The following MYSM1 variants were observed in gnomAD, a reference collection of about 807,000 sequenced individuals.
The protein encoded by MYSM1 is deubiquitinase MYSM1.
A neutral mutation model predicts 116.0 loss-of-function variants in MYSM1; 51 were observed. The ratio of observed to expected loss-of-function variants is 0.44; its 90% CI spans 0.35 to 0.56. The LOEUF is 0.56. Among genes scored for constraint, MYSM1 ranks in the 20% least tolerant of loss-of-function variants. MYSM1 has a pLI of 0.00. For synonymous variants in MYSM1, 313 were observed against 315.2 expected, an observed-to-expected ratio of 0.99 and a Z score of 0.07; for missense variants, 900 against 974.9, an observed-to-expected ratio of 0.92 and a Z score of 1.02.
intron 6 of MYSM1, among the ~76,000 whole-genome samples, chr1:58,687,357 CTAAGA>C (rs1462276855): frequency 6.6e-6 from 1 of 152,078 alleles, no homozygotes. Flanking sequence ...GAACTGAAGG[CTAAGA>C]TGAGAGTGAG....
intron 7 of MYSM1, among the ~76,000 whole-genome samples, chr1:58,683,159 T>C (rs1350720359): frequency 1.3e-5 from 2 of 152,228 alleles, no homozygotes; most frequent in East Asian, 1.9e-4. Flanking sequence ...TCATGACCTA[T>C]ATTTACTACT....
chr1:58,682,335 G>C lies in MYSM1; in HGVS notation c.709C>G (p.Pro237Ala). Residue 237 changes from proline to alanine, a missense_variant, in exon 8 of 20, where the codon CCC becomes GCC. Coordinates refer to ENST00000472487, the MANE Select transcript of MYSM1 (RefSeq NM_001085487.3). ...DEVDELSSQT[P>A]QKNSSSDLLL... is the part of the protein sequence containing the mutation. ...AGATCACTGCTAGAATTCTTCTGGGGTGTTTGAGAAGACAACTCGTCCACC... is the reference window on the plus strand; with the variant it reads ...AGATCACTGCTAGAATTCTTCTGGGCTGTTTGAGAAGACAACTCGTCCACC... 6.2e-7 allele frequency: 1 copy of C among 1,614,052 alleles called. No individual in the cohort carries two copies. Among genetic ancestry groups the C allele is most frequent in the Non-Finnish European group, 8.5e-7 (1 of 1,179,972 alleles).
chr1:58,665,574 G>C lies in MYSM1; in HGVS notation c.2089C>G (p.Arg697Gly). ...FIGMIVSPYN[R>G]NNPLPYSQIT... ...TGAGAATATGGTAAGGGATTATTTC[G>C]ATTATAGGGACTAACAATCATCCCA... Residue 697 changes from arginine to glycine, a missense_variant, in exon 17 of 20, where the codon CGA becomes GGA. This residue lies in a region of MYSM1 where 186 missense variants were observed against 196.2 expected (regional missense o/e 0.95). Transcript: ENST00000472487. The C allele has an allele frequency of 6.3e-7, 1 of 1,591,102 alleles. No individual in the cohort carries two copies. The highest frequency in any genetic ancestry group is 8.6e-7 in the Non-Finnish European group (1 of 1,159,368).
At position 58,665,507 on chromosome 1, in the gene MYSM1, C is replaced by A. The variant is rs1244009768; in HGVS notation, c.2156G>T (p.Gly719Val). The A allele has an allele frequency of 6.3e-7, 1 of 1,591,070 alleles. No individual in the cohort carries two copies. The highest frequency in any genetic ancestry group is 1.4e-5 in the African/African-American group (1 of 73,682). ...TTTTGTTGAAAACTTACGATAAGAG[C>A]CATCTGGGCTAATTTCCTCACTTAT... ...LVISEEISPD[G>V]SYRLPYKFEV... The change falls in exon 17 of 20, where the codon GGC (glycine) becomes GTC (valine). Residue 719 changes from glycine (G) to valine (V), a missense_variant. Gly to Val is a moderately radical substitution (Grantham distance 109). Transcript: ENST00000472487.
At chr1:58,679,320 T>C (rs1163774864) in intron 8 of MYSM1, among the ~76,000 whole-genome samples, 1 of 152,234 alleles carries the variant, frequency 6.6e-6, no homozygotes, top group Non-Finnish European at 1.5e-5. Context: ...ACCAGTTTCA[T>C]GAACCAAGGC....
At chr1:58,691,607 C>A (rs1023517137) in intron 3 of MYSM1, among the ~76,000 whole-genome samples, 1 of 152,082 alleles carries the variant, frequency 6.6e-6, no homozygotes, top group Admixed American at 6.6e-5. Context: ...GTGGCTCACA[C>A]CTGTAATCCC....
chr1:58,659,044 A>C lies in MYSM1; in HGVS notation c.*953T>G, dbSNP rs1468989637. On this transcript the variant is annotated 3_prime_UTR_variant, in exon 20 of 20. Transcript: ENST00000472487. ...ATATGTGGCCTGAAAAGCCAAAATT[A>C]TTTACAAACTGGCCCTTTACATTAA... is the stretch of plus-strand genomic sequence containing the variant. 6.6e-6 allele frequency: 1 copy of C among 151,948 alleles called. No individual in the cohort carries two copies. Among genetic ancestry groups the C allele is most frequent in the Non-Finnish European group, 1.5e-5 (1 of 67,986 alleles). 9.4% of individuals were successfully genotyped at this position (151,948 alleles called of 1,614,324 possible).
rs186508552 is a variant in MYSM1, at chr1:58,671,090, T to C, written c.1661+780A>G. Among the ~76,000 whole-genome samples the C allele has an allele frequency of 3.0e-4, 46 of 152,158 alleles. No homozygotes were observed. In the East Asian group the frequency reaches 6.9e-3, roughly 23 times the overall value. On this transcript the variant is annotated intron_variant, in intron 12 of 19. Coordinates refer to ENST00000472487, the MANE Select transcript of MYSM1 (RefSeq NM_001085487.3). The stretch of plus-strand genomic sequence containing the variant: ...CTGTAATGATTAGGGGTATGAACTC[T>C]TAAGCTTAACACTTGGGTTTAAAAT...
At chr1:58,672,927 G>A (rs904024014) in intron 11 of MYSM1, among the ~76,000 whole-genome samples, 1 of 152,166 alleles carries the variant, frequency 6.6e-6, no homozygotes, top group African/African-American at 2.4e-5. Context: ...GAAGTTGAGG[G>A]CAGGGAATGC....
At chr1:58,669,366 C>T (rs1347220729) in intron 12 of MYSM1, among the ~76,000 whole-genome samples, 1 of 152,116 alleles carries the variant, frequency 6.6e-6, no homozygotes, top group Non-Finnish European at 1.5e-5. Context: ...AATTAACTGT[C>T]ATGAGACCCA....
rs146781882 is a variant in MYSM1 at position 58,689,750 on chromosome 1, C to T, written c.320+476G>A. ...GGGCAATTGCAAATACGTAAACCAC[C>T]CTTTAAAGGACCATAAACTTCCAAA... On this transcript the variant is annotated intron_variant, in intron 5 of 19. Coordinates refer to ENST00000472487, the MANE Select transcript of MYSM1 (RefSeq NM_001085487.3). 84 of 155,100 alleles carry T rather than the reference C, an allele frequency of 5.4e-4. 2 individuals are homozygous for T. Among genetic ancestry groups the T allele is most frequent in the Middle Eastern group, 3.3e-3 (1 of 302 alleles). 9.6% of individuals were successfully genotyped at this position (155,100 alleles called of 1,614,324 possible).
chr1:58,676,245 G>A (rs1161119077), intron 9 of MYSM1, among the ~76,000 whole-genome samples: 38 of 150,938 alleles, frequency 2.5e-4, no homozygotes, highest in Admixed American at 2.1e-3. Context: ...GGTGAAACCC[G>A]TCTCTACTAA....
In MYSM1 at chr1:58,661,486, C is replaced by T; in HGVS notation, c.2190G>A (p.Gln730=). ...CCCACTGAGGTTCTTCTAACATCTG[C>T]TGTACTTCAAATTTGTAAGGTAAGC... ...SYRLPYKFEV[Q]QMLEEPQWGL... Residue 730 remains glutamine, a synonymous_variant, in exon 18 of 20, where the codon CAG becomes CAA. Transcript: ENST00000472487. 1 of 1,605,048 alleles carries T rather than the reference C, an allele frequency of 6.2e-7. No individual in the cohort carries two copies. Among genetic ancestry groups the T allele is most frequent in the Non-Finnish European group, 8.5e-7 (1 of 1,172,658 alleles).
chr1:58,669,836 CAAAAAAAAAAAA>C (rs58828009), intron 12 of MYSM1, among the ~76,000 whole-genome samples: 2 of 14,600 alleles, frequency 1.4e-4, no homozygotes, highest in South Asian at 1.8e-3. Flanking sequence ...ACCCTGTCTC[CAAAAAAAAAAAA>C]AAAAAAAAAA....
In MYSM1 at chr1:58,685,245, A is replaced by C; in HGVS notation, c.406T>G (p.Phe136Val). The C allele has an allele frequency of 1.2e-6, 2 of 1,607,702 alleles. No homozygotes were observed. Among genetic ancestry groups the C allele is most frequent in the Non-Finnish European group, 1.7e-6 (2 of 1,177,890 alleles). Reference protein sequence around the residue: ...KELFEQGLAKFGRRWTKISKL... With the variant: ...KELFEQGLAKVGRRWTKISKL... Reference sequence around the variant, plus strand: ...GAAATTTTGGTCCATCTTCGGCCAAATTTAGCCTGTATTATTAAAATGGGA... The same window carrying C: ...GAAATTTTGGTCCATCTTCGGCCAACTTTAGCCTGTATTATTAAAATGGGA... Residue 136 changes from phenylalanine (F) to valine (V), a missense_variant, in exon 7 of 20, where the codon TTT (phenylalanine) becomes GTT (valine). Phe to Val is a conservative substitution (Grantham distance 50). Transcript: ENST00000472487.
intron 3 of MYSM1, among the ~76,000 whole-genome samples, chr1:58,691,279 CA>C (rs1157148256): frequency 2.0e-3 from 233 of 116,886 alleles, no homozygotes; most frequent in East Asian, 7.5e-3. Context: ...GACTCCGTCT[CA>C]AAAAAAAAAA....
chr1:58,671,990 C>G lies in MYSM1; in HGVS notation c.1573-32G>C, dbSNP rs769051543. The G allele has an allele frequency of 9.8e-6, 15 of 1,534,304 alleles. 1 individual carries two copies. The South Asian group carries it at 1.7e-4, about 17-fold the overall frequency. Reference sequence around the variant, plus strand: ...CAAAATGCCAATTGATTAAGGAGTCCATCATCTACTAAGAGGCAGAATAAA... The same window carrying G: ...CAAAATGCCAATTGATTAAGGAGTCGATCATCTACTAAGAGGCAGAATAAA... On this transcript the variant is annotated intron_variant, in intron 11 of 19. Transcript: ENST00000472487.
Position 58,685,341 on chromosome 1 carries a change from T to TAA in MYSM1, c.400-92_400-91dup, listed in dbSNP as rs1331965343. The stretch of plus-strand genomic sequence containing the variant: ...CTACCACATTAAAAAAAAAAAAACT[T>TAA]AAAAAAAAATACATCTTTATTTTCT... On this transcript the variant is annotated intron_variant, in intron 6 of 19. Coordinates refer to ENST00000472487, the MANE Select transcript of MYSM1 (RefSeq NM_001085487.3). 11 of 691,016 alleles carry TAA rather than the reference T, an allele frequency of 1.6e-5. 1 individual carries two copies. The East Asian group carries it at 3.2e-4, about 20-fold the overall frequency. 42.8% of individuals were successfully genotyped at this position (691,016 alleles called of 1,614,324 possible). A position where few individuals can be genotyped will look rare whatever the true frequency, so the allele number is the denominator to read the frequency against.
chr1:58,691,542 G>A (rs1644906332), intron 3 of MYSM1, among the ~76,000 whole-genome samples: 1 of 152,044 alleles, frequency 6.6e-6, no homozygotes, highest in Non-Finnish European at 1.5e-5. Flanking sequence ...AACACTATTT[G>A]CATGAACTAG....
Sources: allele counts gnomAD v4.1 joint callset (sites outside exome capture counted in the v4.1 genomes callset), GRCh38; gene constraint gnomAD v4.1.1; regional missense constraint gnomAD v4.1.1; transcripts MANE v1.5; gene names NCBI Gene and HGNC (gene_info 2026-07-23, HGNC 2026-07-21).